Variants in ARHGAP15 observed in about 807,000 individuals in gnomAD.
ARHGAP15 encodes the protein Rho GTPase activating protein 15.
In ARHGAP15, 51 loss-of-function variants were observed where a neutral mutation model predicts 63.7. That is an observed-to-expected ratio of 0.80 (90% confidence interval 0.64 to 1.01). The LOEUF is 1.01. ARHGAP15 is among the 50% of genes least tolerant of loss of function. The pLI, the probability that ARHGAP15 is intolerant of heterozygous loss-of-function variation, is 0.00. For synonymous variants in ARHGAP15, 191 were observed against 193.8 expected (o/e 0.99, Z 0.12); for missense variants, 560 against 564.6 (o/e 0.99, Z 0.08).
At chr2:143,681,825 T>C (rs1683112099) in intron 12 of ARHGAP15, among the ~76,000 whole-genome samples, 1 of 152,180 alleles carries the variant, frequency 6.6e-6, no homozygotes. Flanking sequence ...AGATAAAGAA[T>C]GCATTCTTTG....
chr2:143,562,471 C>T (rs1330843338), intron 11 of ARHGAP15, among the ~76,000 whole-genome samples: 3 of 152,196 alleles, frequency 2.0e-5, no homozygotes, highest in Non-Finnish European at 1.5e-5. Flanking sequence ...TAAGCCTGCT[C>T]TACTCTCACC....
intron 12 of ARHGAP15, among the ~76,000 whole-genome samples, chr2:143,682,254 C>T (rs763166492): frequency 1.1e-4 from 16 of 151,786 alleles, no homozygotes; most frequent in South Asian, 6.2e-4. Context: ...AATATTCCAC[C>T]GCTTCTATGA....
chr2:143,492,042 C>T (rs529231271), intron 9 of ARHGAP15, among the ~76,000 whole-genome samples: 5 of 152,020 alleles, frequency 3.3e-5, no homozygotes, highest in Non-Finnish European at 7.4e-5. Context: ...CCACCACATC[C>T]GGCTAATTTT....
intron 13 of ARHGAP15, among the ~76,000 whole-genome samples, chr2:143,759,822 A>G (rs551356706): frequency 6.6e-6 from 1 of 152,272 alleles, no homozygotes; most frequent in East Asian, 1.9e-4. Context: ...GCTCATTAGT[A>G]TTACCTGGGG....
chr2:143,483,031 C>A (rs2105217535), intron 8 of ARHGAP15, among the ~76,000 whole-genome samples: 1 of 152,266 alleles, frequency 6.6e-6, no homozygotes, highest in African/African-American at 2.4e-5. Context: ...GAGAGTTTGG[C>A]TACGTTAAAA....
Position 143,678,876 on chromosome 2 carries a change from T to C in ARHGAP15, c.1139-24543T>C, listed in dbSNP as rs1219203433. Among the ~76,000 whole-genome samples the C allele has an allele frequency of 2.0e-5, 3 of 152,224 alleles. No homozygotes were observed. The East Asian group carries it at 5.8e-4, about 29-fold the overall frequency. On this transcript the variant is annotated intron_variant, in intron 12 of 13. Transcript: ENST00000295095. The stretch of plus-strand genomic sequence containing the variant: ...CAAATGACTTTTATACTTAAATATA[T>C]TTAGCTTTATCCTAAGCAATAATAT...
intron 6 of ARHGAP15, among the ~76,000 whole-genome samples, chr2:143,261,729 G>T (rs7592448): frequency 1.3e-5 from 2 of 152,072 alleles, no homozygotes; most frequent in Non-Finnish European, 2.9e-5. Context: ...GCTTAGGCTA[G>T]GTTCCCCTGA....
intron 6 of ARHGAP15, among the ~76,000 whole-genome samples, chr2:143,411,670 T>C (rs1350556609): frequency 6.6e-6 from 1 of 152,256 alleles, no homozygotes; most frequent in East Asian, 1.9e-4. Context: ...GACATACTAC[T>C]GTTTTAAGAA....
chr2:143,311,516 A>G (rs757161747), intron 6 of ARHGAP15, among the ~76,000 whole-genome samples: 3 of 152,146 alleles, frequency 2.0e-5, no homozygotes, highest in Admixed American at 1.3e-4. Flanking sequence ...AACATGCTGC[A>G]TATCTTTAAG....
intron 6 of ARHGAP15, among the ~76,000 whole-genome samples, chr2:143,261,568 C>T (rs1680726548): frequency 6.6e-6 from 1 of 151,462 alleles, no homozygotes; most frequent in Admixed American, 6.6e-5. Flanking sequence ...AAGCTGGTCT[C>T]GAACTCCTGA....
intron 12 of ARHGAP15, chr2:143,641,100 C>T (rs1574754348): frequency 1.3e-5 from 2 of 152,110 alleles, no homozygotes. Flanking sequence ...TTCCAACTTA[C>T]GCTGTTAAAC....
intron 6 of ARHGAP15, among the ~76,000 whole-genome samples, chr2:143,372,860 T>A (rs1313379497): frequency 6.6e-6 from 1 of 152,018 alleles, no homozygotes; most frequent in East Asian, 1.9e-4. Flanking sequence ...ATGTTCTAGA[T>A]GATAAAGATA....
chr2:143,706,690 T>TC (rs1240408361), intron 13 of ARHGAP15: 1 of 152,152 alleles, frequency 6.6e-6, no homozygotes, highest in Non-Finnish European at 1.5e-5. Context: ...AGTCTCAGAG[T>TC]CCAGAGTCTT....
chr2:143,490,797 G>T (rs1008925096), intron 9 of ARHGAP15, among the ~76,000 whole-genome samples: 22 of 151,682 alleles, frequency 1.5e-4, no homozygotes, highest in African/African-American at 5.1e-4. Context: ...TTTTTTGTTT[G>T]TTTGTTTTTT....
chr2:143,577,832 T>A (rs1696732899), intron 11 of ARHGAP15, among the ~76,000 whole-genome samples: 1 of 152,066 alleles, frequency 6.6e-6, no homozygotes, highest in African/African-American at 2.4e-5. Context: ...AACTGCAGTA[T>A]AAGGAGGGGG....
At chr2:143,473,986 C>G (rs549450804) in intron 8 of ARHGAP15, among the ~76,000 whole-genome samples, 3 of 152,072 alleles carry the variant, frequency 2.0e-5, no homozygotes, top group African/African-American at 7.2e-5. Flanking sequence ...TTCAATAGTC[C>G]AAAAGTTCAA....
chr2:143,284,985 A>C (rs1682024260), intron 6 of ARHGAP15, among the ~76,000 whole-genome samples: 1 of 152,172 alleles, frequency 6.6e-6, no homozygotes, highest in African/African-American at 2.4e-5. Context: ...TTTGGAAATA[A>C]ATATTACAGA....
chr2:143,432,561 AC>A (rs1201240369), intron 6 of ARHGAP15, among the ~76,000 whole-genome samples: 25 of 152,172 alleles, frequency 1.6e-4, no homozygotes, highest in African/African-American at 5.5e-4. Flanking sequence ...TTCTAAGCCC[AC>A]GTGAAAACTA....
chr2:143,220,852 A>G (rs1344635966), intron 4 of ARHGAP15, among the ~76,000 whole-genome samples: 5 of 152,330 alleles, frequency 3.3e-5, no homozygotes, highest in African/African-American at 1.2e-4. Context: ...TACTCTGTCA[A>G]GCACTTGGCT....
Sources: gnomAD v4.1 joint callset for allele counts (sites outside exome capture counted in the v4.1 genomes callset) on GRCh38, gnomAD v4.1.1 for gene constraint, MANE v1.5 for transcripts, NCBI Gene and HGNC (gene_info 2026-07-23, HGNC 2026-07-21) for gene names.